Variants in SLC44A1 observed in about 807,000 individuals in gnomAD.
The protein encoded by SLC44A1 is choline transporter-like protein 1.
In SLC44A1, 26 loss-of-function variants were observed where a neutral mutation model predicts 79.3. The ratio of observed to expected loss-of-function variants is 0.33; its 90% confidence interval spans 0.24 to 0.46. The LOEUF is 0.46. SLC44A1 is among the 20% of genes least tolerant of loss of function. The probability of loss-of-function intolerance (pLI) is 1.00; values close to 1 mark genes in which losing one functional copy is unlikely to be tolerated. For synonymous variants in SLC44A1, 263 were observed against 286.2 expected (o/e 0.92, Z 0.82); for missense variants, 688 against 798.1 (o/e 0.86, Z 1.66).
At chr9:105,410,309 G>A (rs976521520) in intron 15 of SLC44A1, among the ~76,000 whole-genome samples, 1 of 152,164 alleles carries the variant, frequency 6.6e-6, no homozygotes, top group Non-Finnish European at 1.5e-5. Flanking sequence ...CAAAATGGGA[G>A]AAAATATTTG....
intron 3 of SLC44A1, among the ~76,000 whole-genome samples, chr9:105,334,366 T>A (rs1033788135): frequency 6.6e-6 from 1 of 152,008 alleles, no homozygotes; most frequent in Non-Finnish European, 1.5e-5. Flanking sequence ...CCCTTTTTTT[T>A]CCTACTTATT....
intron 1 of SLC44A1, 129 bp downstream of exon 1, chr9:105,245,033 A>AC (rs891330860): frequency 1.1e-5 from 3 of 281,782 alleles, no homozygotes; most frequent in African/African-American, 2.4e-5. Context: ...CAGTCCAAAG[A>AC]CCCCCACTCC....
rs1828811002 is a variant in SLC44A1, at chr9:105,393,452, C to T, written c.*4396C>T. On this transcript the variant is annotated 3_prime_UTR_variant, in exon 16 of 16. Coordinates refer to ENST00000374720, the MANE Select transcript of SLC44A1 (RefSeq NM_080546.5). ...ATGAATTTAGAATAGCACACTTTTT[C>T]CATTCAGATTTCATACATTTGAGCC... 1 of 984,038 alleles carries T rather than the reference C, an allele frequency of 1.0e-6. No individual in the cohort carries two copies. Among genetic ancestry groups the T allele is most frequent in the Non-Finnish European group, 1.2e-6 (1 of 828,814 alleles). 61.0% of individuals were successfully genotyped at this position (984,038 alleles called of 1,614,324 possible).
rs1261552644 is a variant in SLC44A1, at chr9:105,388,981, C to A, written c.1951-52C>A. The A allele has an allele frequency of 2.2e-6, 3 of 1,352,844 alleles. No individual in the cohort carries two copies. The African/African-American group carries it at 4.3e-5, about 19-fold the overall frequency. 83.8% of individuals were successfully genotyped at this position (1,352,844 alleles called of 1,614,324 possible). A position where few individuals can be genotyped will look rare whatever the true frequency, so the allele number is the denominator to read the frequency against. The stretch of plus-strand genomic sequence containing the variant: ...ATATTTGTAACATCATTCATGATCT[C>A]CTTTTAATGGTAATTGTCTAAGATT... On this transcript the variant is annotated intron_variant, in intron 15 of 15. Coordinates refer to ENST00000374720, the MANE Select transcript of SLC44A1 (RefSeq NM_080546.5).
At chr9:105,255,838 T>G (rs988694837) in intron 1 of SLC44A1, among the ~76,000 whole-genome samples, 3 of 152,202 alleles carry the variant, frequency 2.0e-5, no homozygotes, top group African/African-American at 4.8e-5. Context: ...CTATAAAATA[T>G]AAACAATAAT....
At chr9:105,410,483 T>C (rs1234456248) in intron 15 of SLC44A1, among the ~76,000 whole-genome samples, 1 of 152,158 alleles carries the variant, frequency 6.6e-6, no homozygotes, top group Non-Finnish European at 1.5e-5. Flanking sequence ...ATGCTCAATG[T>C]CATTAGGGAA....
At chr9:105,367,842 A>T (rs1053097228) in intron 12 of SLC44A1, among the ~76,000 whole-genome samples, 2 of 152,154 alleles carry the variant, frequency 1.3e-5, no homozygotes. Flanking sequence ...AATACTAACA[A>T]CACTATATCG....
intron 2 of SLC44A1, 55 bp downstream of exon 2, chr9:105,299,364 G>A (rs984997073): frequency 8.7e-6 from 11 of 1,267,472 alleles, no homozygotes; most frequent in Admixed American, 7.8e-5. Context: ...AGGGAATGAC[G>A]AGTAGTTGTT....
intron 1 of SLC44A1, among the ~76,000 whole-genome samples, chr9:105,292,306 A>G (rs1830619835): frequency 6.6e-6 from 1 of 152,204 alleles, no homozygotes; most frequent in African/African-American, 2.4e-5. Context: ...ATATTATTCC[A>G]GTAGCTTAGT....
At chr9:105,357,601 TCTTTC>T (rs1184772418) in intron 6 of SLC44A1, among the ~76,000 whole-genome samples, 1 of 152,220 alleles carries the variant, frequency 6.6e-6, no homozygotes, top group East Asian at 1.9e-4. Flanking sequence ...AAGGGTTAAA[TCTTTC>T]CTTTCTTCTT....
intron 15 of SLC44A1, among the ~76,000 whole-genome samples, chr9:105,421,179 T>C (rs10991655): frequency 2.4e-3 from 369 of 152,300 alleles, no homozygotes; most frequent in Non-Finnish European, 4.5e-3. Flanking sequence ...AAATATATGA[T>C]GTGATAAATG....
At chr9:105,373,085 A>C (rs542234982) in intron 12 of SLC44A1, among the ~76,000 whole-genome samples, 1 of 152,324 alleles carries the variant, frequency 6.6e-6, no homozygotes, top group South Asian at 2.1e-4. Flanking sequence ...TTCAAACCTC[A>C]TCTTCATTAC....
chr9:105,328,379 A>G (rs534077702), intron 3 of SLC44A1, among the ~76,000 whole-genome samples: 1 of 152,306 alleles, frequency 6.6e-6, no homozygotes, highest in East Asian at 1.9e-4. Context: ...TTCACTGAGA[A>G]GATGTCTTTT....
chr9:105,409,420 C>T (rs773428027), intron 15 of SLC44A1, among the ~76,000 whole-genome samples: 2 of 152,220 alleles, frequency 1.3e-5, no homozygotes, highest in African/African-American at 2.4e-5. Context: ...TGCAGTGGCT[C>T]ACCCTTGTAA....
At chr9:105,319,236 T>C (rs578217825) in intron 3 of SLC44A1, among the ~76,000 whole-genome samples, 1 of 152,116 alleles carries the variant, frequency 6.6e-6, no homozygotes, top group African/African-American at 2.4e-5. Context: ...TCCTGGCAAA[T>C]TATTTGCCAG....
chr9:105,397,308 G>T lies in SLC44A1; in HGVS notation c.*8252G>T. 3.1e-6 allele frequency: 3 copies of T among 977,922 alleles called. No homozygotes were observed. Among genetic ancestry groups the T allele is most frequent in the Non-Finnish European group, 3.6e-6 (3 of 823,158 alleles). The allele number at this position is 977,922 out of a possible 1,614,324, so 60.6% of individuals were successfully genotyped here. A position where few individuals can be genotyped will look rare whatever the true frequency, so the allele number is the denominator to read the frequency against. On this transcript the variant is annotated 3_prime_UTR_variant, in exon 16 of 16. Transcript: ENST00000374720. ...TGTATTTTAGTCTAACAAATGTATA[G>T]AATTTTTTATGTAATAAATAAAATT... is the stretch of plus-strand genomic sequence containing the variant.
At chr9:105,420,931 CT>C (rs1352930502) in intron 15 of SLC44A1, among the ~76,000 whole-genome samples, 1 of 150,144 alleles carries the variant, frequency 6.7e-6, no homozygotes, top group African/African-American at 2.5e-5. Flanking sequence ...CTTTGATGTC[CT>C]ACTGAGTTAA....
chr9:105,279,138 G>T (rs867286770), intron 1 of SLC44A1, among the ~76,000 whole-genome samples: 6 of 149,744 alleles, frequency 4.0e-5, no homozygotes, highest in Admixed American at 3.3e-4. Flanking sequence ...GGCGGAGCTT[G>T]CAGTGAGCTG....
intron 1 of SLC44A1, among the ~76,000 whole-genome samples, chr9:105,249,921 T>G: frequency 6.8e-6 from 1 of 146,996 alleles, no homozygotes; most frequent in African/African-American, 2.5e-5. Context: ...CAGGCTAGAG[T>G]GCAATGGCAT....
Sources: allele counts gnomAD v4.1 joint callset (sites outside exome capture counted in the v4.1 genomes callset), GRCh38; gene constraint gnomAD v4.1.1; transcripts MANE v1.5; gene names NCBI Gene and HGNC (gene_info 2026-07-23, HGNC 2026-07-21).